Variants in PRDM11 observed in about 807,000 individuals in gnomAD.
The protein encoded by PRDM11 is PR/SET domain 11, also known as PR domain-containing protein 11.
PRDM11 carries 20 observed loss-of-function variants against 97.8 expected under a neutral mutation model. That is an observed-to-expected ratio of 0.20 (90% CI 0.14 to 0.30). PRDM11 has a LOEUF of 0.30. Ranked by LOEUF, PRDM11 falls within the 10% of genes least tolerant of loss-of-function variation. The pLI, the probability that PRDM11 is intolerant of heterozygous loss-of-function variation, is 1.00. For synonymous variants in PRDM11, 599 were observed against 637.7 expected, an observed-to-expected ratio of 0.94 and a Z score of 0.91; for missense variants, 1,139 against 1,555.2, an observed-to-expected ratio of 0.73 and a Z score of 4.50.
At chr11:45,138,739 C>A (rs1852930576) in intron 1 of PRDM11, among the ~76,000 whole-genome samples, 2 of 151,890 alleles carry the variant, frequency 1.3e-5, no homozygotes, top group Admixed American at 6.6e-5. Flanking sequence ...GATATTTAAA[C>A]AAACAAACAA....
At chr11:45,107,636 G>T (rs540670202) in intron 1 of PRDM11, among the ~76,000 whole-genome samples, 1 of 152,192 alleles carries the variant, frequency 6.6e-6, no homozygotes, top group South Asian at 2.1e-4. Context: ...GACAGGGCAG[G>T]GGTAGGGGTG....
intron 1 of PRDM11, among the ~76,000 whole-genome samples, chr11:45,125,131 G>T (rs2135635438): frequency 1.3e-5 from 2 of 152,152 alleles, no homozygotes; most frequent in Middle Eastern, 3.4e-3. Context: ...TTGCATAGAG[G>T]TGTTTGTAGT....
intron 7 of PRDM11, 90 bp from the exon 8 acceptor site, chr11:45,225,905 C>T (rs754764008): frequency 1.7e-5 from 24 of 1,404,120 alleles, no homozygotes; most frequent in South Asian, 1.2e-4. Flanking sequence ...CATGGTGTGG[C>T]ACCTACCTTC....
At chr11:45,216,984 A>G (rs1315498435) in intron 5 of PRDM11, among the ~76,000 whole-genome samples, 1 of 152,232 alleles carries the variant, frequency 6.6e-6, no homozygotes, top group Non-Finnish European at 1.5e-5. Context: ...TGGAAGAAAA[A>G]AAGGAGAAGA....
At chr11:45,197,503 C>CAAT (rs903586447) in intron 4 of PRDM11, among the ~76,000 whole-genome samples, 5 of 151,212 alleles carry the variant, frequency 3.3e-5, no homozygotes, top group South Asian at 2.1e-4. Flanking sequence ...AGTATTATCA[C>CAAT]AATAATAATA....
In PRDM11 at chr11:45,226,603, G is replaced by A. The variant is rs765692119; in HGVS notation, c.1978G>A (p.Val660Ile). 55 of 1,533,842 alleles carry A rather than the reference G, an allele frequency of 3.6e-5. No individual in the cohort carries two copies. In the Middle Eastern group the frequency reaches 6.8e-4, roughly 19 times the overall value. Reference sequence around the variant, plus strand: ...CATCCGCCAGTCACCTTGCCTCAGCGTCATCCTGGATGGGCAGAGCGACGA... The same window carrying A: ...CATCCGCCAGTCACCTTGCCTCAGCATCATCCTGGATGGGCAGAGCGACGA... Reference protein sequence around the residue: ...ERIRQSPCLSVILDGQSDDLL... With the variant: ...ERIRQSPCLSIILDGQSDDLL... The change falls in exon 8 of 8, where the codon GTC (valine) becomes ATC (isoleucine). Residue 660 changes from valine (V) to isoleucine (I), a missense_variant. Coordinates refer to ENST00000683152, the MANE Select transcript of PRDM11 (RefSeq NM_001384648.1).
intron 1 of PRDM11, among the ~76,000 whole-genome samples, chr11:45,126,380 T>C (rs1208562092): frequency 6.6e-6 from 1 of 152,154 alleles, no homozygotes; most frequent in Non-Finnish European, 1.5e-5. Flanking sequence ...CCTGTCATTA[T>C]GATGTTAGCT....
intron 5 of PRDM11, among the ~76,000 whole-genome samples, chr11:45,205,706 T>C (rs1853484986): frequency 6.6e-6 from 1 of 152,140 alleles, no homozygotes; most frequent in African/African-American, 2.4e-5. Flanking sequence ...AAAAGGAGTG[T>C]GCTGTCTTAA....
At position 45,228,265 on chromosome 11, in the gene PRDM11, T is replaced by TTTTA. The variant is rs1554976396; in HGVS notation, c.*107_*108insTTAT. ...ATATATTATATTATATTATATTATA[T>TTTTA]TATATATATATATATATATAAACTC... On this transcript the variant is annotated 3_prime_UTR_variant, in exon 8 of 8. Transcript: ENST00000683152. 1.3e-4 allele frequency: 16 copies of TTTTA among 119,538 alleles called. No individual in the cohort carries two copies. The highest frequency in any genetic ancestry group is 3.1e-4 in the Admixed American group (3 of 9,742). 7.4% of individuals were successfully genotyped at this position (119,538 alleles called of 1,614,324 possible).
intron 1 of PRDM11, among the ~76,000 whole-genome samples, chr11:45,173,134 A>T (rs1852241872): frequency 6.6e-6 from 1 of 152,192 alleles, no homozygotes. Context: ...GGGAGGTGGC[A>T]TTGCTAGAAT....
chr11:45,181,743 C>T lies in PRDM11; in HGVS notation c.-6-18C>T. On this transcript the variant is annotated intron_variant, in intron 1 of 7. Transcript: ENST00000683152. Reference sequence around the variant, plus strand: ...CTTTGATCCTCTTCCTGTGCTGGTCCCACCTCCTGCGTCCCAGGACAGAAT... The same window carrying T: ...CTTTGATCCTCTTCCTGTGCTGGTCTCACCTCCTGCGTCCCAGGACAGAAT... 6.2e-7 allele frequency: 1 copy of T among 1,602,728 alleles called. No individual in the cohort carries two copies. The highest frequency in any genetic ancestry group is 2.2e-5 in the East Asian group (1 of 44,794).
chr11:45,140,951 G>A (rs1229180694), intron 1 of PRDM11, among the ~76,000 whole-genome samples: 1 of 152,114 alleles, frequency 6.6e-6, no homozygotes, highest in Non-Finnish European at 1.5e-5. Context: ...CAACACCATT[G>A]AGGACTTCCA....
At position 45,163,652 on chromosome 11, in the gene PRDM11, T is replaced by G. The variant is rs185258638; in HGVS notation, c.-7+16775T>G. On this transcript the variant is annotated intron_variant, in intron 1 of 7. Coordinates refer to ENST00000683152, the MANE Select transcript of PRDM11 (RefSeq NM_001384648.1). ...TCTAGCCTAGGCTCAACCACATGTT[T>G]GCTGTGTGGCTTTGAGTAAGTCCCT... 7.9e-4 allele frequency among the ~76,000 whole-genome samples: 120 copies of G among 152,380 alleles called. 1 individual carries two copies. Among genetic ancestry groups the G allele is most frequent in the Admixed American group, 2.5e-3 (39 of 15,310 alleles).
intron 4 of PRDM11, among the ~76,000 whole-genome samples, chr11:45,185,732 A>G (rs1469368890): frequency 6.6e-6 from 1 of 152,214 alleles, no homozygotes; most frequent in Non-Finnish European, 1.5e-5. Context: ...ATAGTTAGGT[A>G]TAGTAGGCCA....
chr11:45,136,202 T>C (rs1052724252), intron 1 of PRDM11, among the ~76,000 whole-genome samples: 5 of 152,202 alleles, frequency 3.3e-5, no homozygotes, highest in African/African-American at 9.6e-5. Flanking sequence ...TAATATCTAG[T>C]TTTTAAAAGT....
rs1484228380 is a variant in PRDM11 at position 45,224,601 on chromosome 11, G to A, written c.1127G>A (p.Gly376Asp). The change falls in exon 7 of 8, where the codon GGC becomes GAC. Residue 376 changes from glycine (G) to aspartate (D), a missense_variant. Transcript: ENST00000683152. ...CCCCAGGGGGTCTCCAAGGAGCCAGGCCAATTGGAGGATGAAGAAGAGGAG... is the reference window on the plus strand; with the variant it reads ...CCCCAGGGGGTCTCCAAGGAGCCAGACCAATTGGAGGATGAAGAAGAGGAG... Reference protein sequence around the residue: ...KVPQGVSKEPGQLEDEEEEPS... With the variant: ...KVPQGVSKEPDQLEDEEEEPS... 15 of 1,614,124 alleles carry A rather than the reference G, an allele frequency of 9.3e-6. No individual in the cohort carries two copies. The highest frequency in any genetic ancestry group is 1.3e-5 in the Non-Finnish European group (15 of 1,180,016).
At chr11:45,101,488 TGAG>T (rs1851974772) in intron 1 of PRDM11, among the ~76,000 whole-genome samples, 1 of 149,276 alleles carries the variant, frequency 6.7e-6, no homozygotes, top group Non-Finnish European at 1.5e-5. Flanking sequence ...CCCAGGAGGC[TGAG>T]GTTGCAGTGA....
At chr11:45,161,537 C>T (rs947125493) in intron 1 of PRDM11, among the ~76,000 whole-genome samples, 4 of 152,200 alleles carry the variant, frequency 2.6e-5, no homozygotes, top group African/African-American at 4.8e-5. Context: ...GCAGGTTTCC[C>T]GGCTGTCAAT....
chr11:45,101,567 A>AAAAAAAAAAAAAAGAAGAAG (rs767802218), intron 1 of PRDM11, among the ~76,000 whole-genome samples: 1 of 96,834 alleles, frequency 1.0e-5, no homozygotes, highest in Admixed American at 1.1e-4. Context: ...AAAAAAAAAA[A>AAAAAAAAAAAAAAGAAGAAG]AAGAAGAAGA....
Sources: allele counts gnomAD v4.1 joint callset (sites outside exome capture counted in the v4.1 genomes callset), GRCh38; gene constraint gnomAD v4.1.1; transcripts MANE v1.5; gene names NCBI Gene and HGNC (gene_info 2026-07-23, HGNC 2026-07-21).